CEP290: variants seen among roughly 807,000 people sequenced by gnomAD.
CEP290 encodes the protein centrosomal protein of 290 kDa.
Under a neutral mutation model 344.9 loss-of-function variants are expected in CEP290, and 317 were observed. That is an observed-to-expected ratio of 0.92 (90% confidence interval 0.84 to 1.01). The LOEUF (loss-of-function observed/expected upper bound fraction) is 1.01. Among genes scored for constraint, CEP290 ranks in the 50% least tolerant of loss-of-function variants. CEP290 has a pLI of 0.00. For synonymous variants in CEP290, 932 were observed against 895.8 expected, an observed-to-expected ratio of 1.04 and a Z score of -0.72; for missense variants, 2,754 against 2,761.4, an observed-to-expected ratio of 1.00 and a Z score of 0.06.
intron 6 of CEP290, among the ~76,000 whole-genome samples, chr12:88,134,743 T>C (rs2040261175): frequency 6.6e-6 from 1 of 152,188 alleles, no homozygotes; most frequent in Non-Finnish European, 1.5e-5. Context: ...AATGAATTAA[T>C]GCATATGAAG....
intron 53 of CEP290, chr12:88,049,679 T>TC: frequency 3.6e-6 from 1 of 275,104 alleles, no homozygotes; most frequent in Non-Finnish European, 6.7e-6. Flanking sequence ...TGGGACTTAA[T>TC]CTTTCTCTAA....
At chr12:88,058,826 A>G (rs925228769) in intron 49 of CEP290, 22 bp downstream of exon 49, 21 of 1,608,888 alleles carry the variant, frequency 1.3e-5, no homozygotes, top group Non-Finnish European at 1.8e-5. Context: ...AACTTTGTAC[A>G]AGTTTAAAAC....
At chr12:88,052,784 C>T (rs2033666210) in intron 52 of CEP290, among the ~76,000 whole-genome samples, 1 of 152,114 alleles carries the variant, frequency 6.6e-6, no homozygotes, top group Admixed American at 6.6e-5. Context: ...TGTTACATGA[C>T]TCTCCTAAGG....
At chr12:88,132,246 T>G (rs1565918628) in intron 6 of CEP290, among the ~76,000 whole-genome samples, 1 of 152,212 alleles carries the variant, frequency 6.6e-6, no homozygotes, top group Non-Finnish European at 1.5e-5. Flanking sequence ...CTCATTCCTC[T>G]TATGACCTTT....
At chr12:88,128,014 G>A (rs538121158) in intron 11 of CEP290, among the ~76,000 whole-genome samples, 1 of 152,134 alleles carries the variant, frequency 6.6e-6, no homozygotes, top group East Asian at 1.9e-4. Context: ...TTTTTCCAGG[G>A]GTTGGTAGAC....
intron 27 of CEP290, among the ~76,000 whole-genome samples, chr12:88,095,421 A>G (rs2037356388): frequency 6.6e-6 from 1 of 152,220 alleles, no homozygotes; most frequent in African/African-American, 2.4e-5. Flanking sequence ...TATATGAAAG[A>G]GATCAAGATA....
At position 88,120,241 on chromosome 12, in the gene CEP290, TATTTCA is replaced by T; in HGVS notation, c.1389_1394del (p.Glu464_Ile465del). On this transcript the variant is annotated inframe_deletion, in exon 15 of 54. Coordinates refer to ENST00000552810, the MANE Select transcript of CEP290 (RefSeq NM_025114.4). ...TTTTAATTTGGTTTTTACAATTCTT[TATTTCA>T]ACGACAGCATCTTCTAAACCATATA... 1 of 1,484,314 alleles carries T rather than the reference TATTTCA, an allele frequency of 6.7e-7. No homozygotes were observed. Among genetic ancestry groups the T allele is most frequent in the South Asian group, 1.4e-5 (1 of 73,966 alleles). The allele number at this position is 1,484,314 out of a possible 1,614,324, so 91.9% of individuals were successfully genotyped here.
intron 22 of CEP290, 72 bp from the exon 23 acceptor site, chr12:88,109,253 A>T: frequency 3.4e-6 from 2 of 589,802 alleles, no homozygotes; most frequent in Non-Finnish European, 5.9e-6. Context: ...GAAAGTATAA[A>T]TTCATATTCT....
In CEP290 at chr12:88,097,364, T is replaced by C. The variant is rs569996025; in HGVS notation, c.2992-365A>G. ...AAGTTCTCACGATGTCTGATGGTTT[T>C]ATAAGGGGCTTTCCCCTTTGCTCGG... On this transcript the variant is annotated intron_variant, in intron 26 of 53. Coordinates refer to ENST00000552810, the MANE Select transcript of CEP290 (RefSeq NM_025114.4). Among the ~76,000 whole-genome samples the C allele has an allele frequency of 4.6e-5, 7 of 152,120 alleles. No individual in the cohort carries two copies. The East Asian group carries it at 1.4e-3, about 30-fold the overall frequency.
chr12:88,090,892 T>C, intron 29 of CEP290, 53 bp from the exon 30 acceptor site: 4 of 1,140,678 alleles, frequency 3.5e-6, no homozygotes, highest in Non-Finnish European at 4.9e-6. Context: ...TCTAAGTAAA[T>C]GCCAAAATTC....
chr12:88,130,426 G>A lies in CEP290; in HGVS notation c.517-6C>T, dbSNP rs550300326. 1.2e-6 allele frequency: 2 copies of A among 1,601,440 alleles called. No homozygotes were observed. Among genetic ancestry groups the A allele is most frequent in the Non-Finnish European group, 1.7e-6 (2 of 1,176,284 alleles). On this transcript the variant is annotated splice_region_variant and splice_polypyrimidine_tract_variant and intron_variant, in intron 8 of 53. Transcript: ENST00000552810. ...TCCTGACAAAGTTGTTCATTCTGAAGGTAACCAAACACAACATTCAATTAC... is the reference window on the plus strand; with the variant it reads ...TCCTGACAAAGTTGTTCATTCTGAAAGTAACCAAACACAACATTCAATTAC...
intron 3 of CEP290, 144 bp from the exon 4 acceptor site, chr12:88,139,708 A>C: frequency 1.7e-6 from 1 of 595,802 alleles, no homozygotes; most frequent in Non-Finnish European, 2.5e-6. Flanking sequence ...TTGCTGAATA[A>C]ATAGTTTTTG....
intron 41 of CEP290, among the ~76,000 whole-genome samples, chr12:88,074,293 C>A (rs1330055608): frequency 6.6e-6 from 1 of 151,984 alleles, no homozygotes; most frequent in African/African-American, 2.4e-5. Context: ...GAAATATGTA[C>A]AAGAATTTTT....
chr12:88,086,304 A>C, intron 33 of CEP290, 87 bp downstream of exon 33: 1 of 1,427,764 alleles, frequency 7.0e-7, no homozygotes, highest in Non-Finnish European at 9.4e-7. Context: ...AACATCAATT[A>C]AAATTACATC....
At chr12:88,098,502 T>A (rs1211443629) in intron 26 of CEP290, among the ~76,000 whole-genome samples, 2 of 151,634 alleles carry the variant, frequency 1.3e-5, no homozygotes, top group Non-Finnish European at 2.9e-5. Context: ...ATCCCAGCTA[T>A]TTTGGAGGCT....
At chr12:88,070,174 C>A (rs536336724) in intron 43 of CEP290, among the ~76,000 whole-genome samples, 3 of 152,264 alleles carry the variant, frequency 2.0e-5, no homozygotes, top group East Asian at 3.9e-4. Flanking sequence ...GTTCCAGGTA[C>A]AATGGAGTAA....
chr12:88,106,718 T>C lies in CEP290; in HGVS notation c.2774A>G (p.Glu925Gly). 6.2e-7 allele frequency: 1 copy of C among 1,611,590 alleles called. No homozygotes were observed. The highest frequency in any genetic ancestry group is 1.1e-5 in the South Asian group (1 of 90,628). ...CCCAATTTTTTCACAAACTTCAGCCTCCATTGACAACAATTCATTCTTTTG... is the reference window on the plus strand; with the variant it reads ...CCCAATTTTTTCACAAACTTCAGCCCCCATTGACAACAATTCATTCTTTTG... ...EKQKNELLSM[E>G]AEVCEKIGCL... Residue 925 changes from glutamate to glycine, a missense_variant, in exon 25 of 54, where the codon GAG becomes GGG. Physicochemically the swap from Glu to Gly is moderately conservative, Grantham distance 98. Coordinates refer to ENST00000552810, the MANE Select transcript of CEP290 (RefSeq NM_025114.4).
chr12:88,127,346 C>T (rs1036647024), intron 11 of CEP290, among the ~76,000 whole-genome samples: 9 of 151,874 alleles, frequency 5.9e-5, no homozygotes, highest in South Asian at 4.1e-4. Context: ...AAATTAGCTG[C>T]GCATGGCGGC....
rs770216955 is a variant in CEP290 at position 88,118,761 on chromosome 12, A to G, written c.1523-18T>C. On this transcript the variant is annotated intron_variant, in intron 15 of 53. Transcript: ENST00000552810. ...TTCAAGGCCTACAATAGAAAGCAATATAATTAAAAACTTAAAAACATTCAA... is the reference window on the plus strand; with the variant it reads ...TTCAAGGCCTACAATAGAAAGCAATGTAATTAAAAACTTAAAAACATTCAA... The G allele has an allele frequency of 1.1e-5, 17 of 1,565,280 alleles. No individual in the cohort carries two copies. The highest frequency in any genetic ancestry group is 2.7e-5 in the African/African-American group (2 of 72,984).
Sources: allele counts gnomAD v4.1 joint callset (sites outside exome capture counted in the v4.1 genomes callset), GRCh38; gene constraint gnomAD v4.1.1; transcripts MANE v1.5; gene names NCBI Gene and HGNC (gene_info 2026-07-23, HGNC 2026-07-21).